STX12: variants seen among roughly 807,000 people sequenced by gnomAD.
STX12 encodes the protein syntaxin 12.
A neutral mutation model predicts 42.2 loss-of-function variants in STX12; 17 were observed. The ratio of observed to expected loss-of-function variants is 0.40; its 90% CI spans 0.28 to 0.60. The LOEUF (loss-of-function observed/expected upper bound fraction) is 0.60. Ranked by LOEUF, STX12 falls within the 20% of genes least tolerant of loss-of-function variation. STX12 has a pLI of 0.39. For synonymous variants in STX12, 108 were observed against 116.7 expected (o/e 0.93, Z 0.48); for missense variants, 297 against 330.9 (o/e 0.90, Z 0.79).
intron 4 of STX12, among the ~76,000 whole-genome samples, chr1:27,802,317 A>C (rs990545772): frequency 6.6e-6 from 1 of 152,216 alleles, no homozygotes; most frequent in Non-Finnish European, 1.5e-5. Flanking sequence ...TGATATCCTC[A>C]TGGCATGGGG....
chr1:27,787,144 G>T (rs2088704272), intron 1 of STX12, among the ~76,000 whole-genome samples: 1 of 152,116 alleles, frequency 6.6e-6, no homozygotes, highest in Non-Finnish European at 1.5e-5. Flanking sequence ...GGAAAATATG[G>T]TCTCAAAATA....
intron 4 of STX12, among the ~76,000 whole-genome samples, chr1:27,808,074 G>C (rs1485102640): frequency 2.6e-5 from 4 of 152,102 alleles, no homozygotes; most frequent in African/African-American, 7.2e-5. Context: ...GGGAGGGATG[G>C]AGTTGTGATT....
intron 4 of STX12, among the ~76,000 whole-genome samples, chr1:27,803,937 G>C (rs1445372558): frequency 6.6e-6 from 1 of 151,996 alleles, no homozygotes; most frequent in East Asian, 1.9e-4. Context: ...GGAGACAGAG[G>C]TTGCAGTGAG....
chr1:27,799,477 G>GTTTTTTTTTTTTTTTTTT lies in STX12; in HGVS notation c.289-2190_289-2189insTTTTTTTTTTTTTTTTTT. Among the ~76,000 whole-genome samples the GTTTTTTTTTTTTTTTTTT allele has an allele frequency of 3.2e-3, 414 of 130,636 alleles. 69 individuals are homozygous for GTTTTTTTTTTTTTTTTTT. The highest frequency in any genetic ancestry group is 0.013 in the African/African-American group (392 of 31,170). The allele number at this position is 130,636 out of a possible 152,430, so 85.7% of individuals were successfully genotyped here. A position where few individuals can be genotyped will look rare whatever the true frequency, so the allele number is the denominator to read the frequency against. On this transcript the variant is annotated intron_variant, in intron 3 of 8. Transcript: ENST00000373943. ...GGTTGAACCCCAAACTCATTAGCTT[G>GTTTTTTTTTTTTTTTTTT]TTTTTTTTTTTGTTTTTTTTTTTGA... is the stretch of plus-strand genomic sequence containing the variant.
At chr1:27,802,109 G>T in intron 4 of STX12, 1 of 189,912 alleles carries the variant, frequency 5.3e-6, no homozygotes, top group Non-Finnish European at 1.1e-5. Flanking sequence ...TCTGTTTCCT[G>T]GAATATAACA....
At chr1:27,800,576 C>T (rs2088821250) in intron 3 of STX12, among the ~76,000 whole-genome samples, 1 of 151,262 alleles carries the variant, frequency 6.6e-6, no homozygotes, top group East Asian at 1.9e-4. Context: ...ATTGCTGAGG[C>T]TGGAGTACAT....
chr1:27,802,571 T>C (rs994743622), intron 4 of STX12, among the ~76,000 whole-genome samples: 8 of 152,164 alleles, frequency 5.3e-5, no homozygotes, highest in Non-Finnish European at 7.3e-5. Context: ...CAGGCAGATT[T>C]TCTGCTCAAA....
At chr1:27,786,855 TC>T (rs746700908) in intron 1 of STX12, among the ~76,000 whole-genome samples, 4 of 152,246 alleles carry the variant, frequency 2.6e-5, no homozygotes, top group Non-Finnish European at 4.4e-5. Context: ...TTTATGGCTG[TC>T]CAGTTAATAG....
chr1:27,780,604 T>A (rs1571516008), intron 1 of STX12, among the ~76,000 whole-genome samples: 1 of 152,202 alleles, frequency 6.6e-6, no homozygotes, highest in African/African-American at 2.4e-5. Context: ...CTCGAGCAGG[T>A]TATTTTCCCT....
chr1:27,779,198 T>C (rs6598902), intron 1 of STX12, among the ~76,000 whole-genome samples: 26,053 of 152,148 alleles, frequency 0.17, 5,959 homozygotes, highest in African/African-American at 0.52. Flanking sequence ...ATTATGGTCT[T>C]GCCCCATTCT....
At chr1:27,803,128 G>GA (rs903565031) in intron 4 of STX12, among the ~76,000 whole-genome samples, 3 of 152,106 alleles carry the variant, frequency 2.0e-5, no homozygotes, top group African/African-American at 7.2e-5. Context: ...TATAGAGTGA[G>GA]AATAGGGCAA....
rs541336122 is a variant in STX12, at chr1:27,823,452, C to T, written c.*1123C>T. On this transcript the variant is annotated 3_prime_UTR_variant, in exon 9 of 9. Transcript: ENST00000373943. ...TAGTTTTAGACAAAAAAAGATGTTTCAATAAAATTACTGTCTTGTAATATA... is the reference window on the plus strand; with the variant it reads ...TAGTTTTAGACAAAAAAAGATGTTTTAATAAAATTACTGTCTTGTAATATA... 2.0e-5 allele frequency: 3 copies of T among 152,730 alleles called. No homozygotes were observed. Among genetic ancestry groups the T allele is most frequent in the African/African-American group, 7.2e-5 (3 of 41,568 alleles). 9.5% of individuals were successfully genotyped at this position (152,730 alleles called of 1,614,324 possible). A position where few individuals can be genotyped will look rare whatever the true frequency, so the allele number is the denominator to read the frequency against.
chr1:27,795,710 C>T (rs182757273), intron 3 of STX12, among the ~76,000 whole-genome samples: 3 of 152,288 alleles, frequency 2.0e-5, no homozygotes, highest in Admixed American at 2.0e-4. Flanking sequence ...TTTTGGCCCC[C>T]ACTTGCAGAA....
Position 27,801,696 on chromosome 1 carries a change from A to C in STX12, c.307A>C (p.Lys103Gln). The C allele has an allele frequency of 3.2e-6, 5 of 1,543,922 alleles. No individual in the cohort carries two copies. Among genetic ancestry groups the C allele is most frequent in the Non-Finnish European group, 4.3e-6 (5 of 1,152,792 alleles). Residue 103 changes from lysine (K) to glutamine (Q), a missense_variant, in exon 4 of 9, where the codon AAG (lysine) becomes CAG (glutamine). Physicochemically the swap from Lys to Gln is moderately conservative, Grantham distance 53. Coordinates refer to ENST00000373943, the MANE Select transcript of STX12 (RefSeq NM_177424.3). ...TSEQRQQRLQKERLMNDFSAA... is the reference protein window; with the variant it reads ...TSEQRQQRLQQERLMNDFSAA... ...TCCTTAGCGCCAGCAGAGACTTCAG[A>C]AGGAACGCCTCATGAATGACTTCTC...
At chr1:27,816,841 G>A (rs1027657142) in intron 6 of STX12, among the ~76,000 whole-genome samples, 1 of 151,006 alleles carries the variant, frequency 6.6e-6, no homozygotes, top group African/African-American at 2.4e-5. Context: ...GCTTGAATCC[G>A]GGAGGTGGAG....
intron 2 of STX12, 49 bp downstream of exon 2, chr1:27,789,680 C>A: frequency 7.0e-7 from 1 of 1,424,534 alleles, no homozygotes; most frequent in Non-Finnish European, 9.9e-7. Context: ...CATTTGAGGA[C>A]ACAGTGTCCT....
chr1:27,814,822 A>G (rs1170159475), intron 6 of STX12, among the ~76,000 whole-genome samples: 1 of 148,196 alleles, frequency 6.7e-6, no homozygotes, highest in Non-Finnish European at 1.5e-5. Context: ...CTGGCAACAG[A>G]GCGAGACTCT....
intron 4 of STX12, among the ~76,000 whole-genome samples, chr1:27,804,425 T>TC (rs1478190161): frequency 1.5e-5 from 2 of 131,844 alleles, no homozygotes; most frequent in African/African-American, 7.8e-5. Context: ...AAATTCCGTC[T>TC]CAAAAAAAAA....
At chr1:27,774,251 A>C (rs2088614045) in intron 1 of STX12, among the ~76,000 whole-genome samples, 1 of 152,192 alleles carries the variant, frequency 6.6e-6, no homozygotes, top group Non-Finnish European at 1.5e-5. Flanking sequence ...GCTTGTCTTA[A>C]AACTCCCTCC....
Sources: gnomAD v4.1 joint callset for allele counts (sites outside exome capture counted in the v4.1 genomes callset) on GRCh38, gnomAD v4.1.1 for gene constraint, MANE v1.5 for transcripts, NCBI Gene and HGNC (gene_info 2026-07-23, HGNC 2026-07-21) for gene names.